The following DNAH11 variants were observed in gnomAD, a reference collection of about 807,000 sequenced individuals.
DNAH11 encodes dynein axonemal heavy chain 11, also known as axonemal beta dynein heavy chain 11.
In DNAH11, 442 loss-of-function variants were observed where a neutral mutation model predicts 526.0. The ratio of observed to expected loss-of-function variants is 0.84; its 90% confidence interval spans 0.78 to 0.91. The LOEUF (loss-of-function observed/expected upper bound fraction) is 0.91, where lower values mean the gene tolerates loss of function less well. Among genes scored for constraint, DNAH11 ranks in the 40% least tolerant of loss-of-function variants. DNAH11 has a pLI of 0.00. For missense variants in DNAH11, 6,989 were observed against 5,448.7 expected (o/e 1.28, Z -8.90); for synonymous variants, 2,461 against 1,935.9 (o/e 1.27, Z -7.12).
chr7:21,894,847 A>C, intron 78 of DNAH11, 37 bp from the exon 79 acceptor site: 1 of 1,612,510 alleles, frequency 6.2e-7, no homozygotes. Flanking sequence ...AGCACATTGG[A>C]AGATATTCAC....
chr7:21,743,515 A>T (rs1786009860), intron 49 of DNAH11, among the ~76,000 whole-genome samples: 1 of 152,190 alleles, frequency 6.6e-6, no homozygotes, highest in Admixed American at 6.5e-5. Context: ...GAGGTGGTAT[A>T]TTGATGAAAT....
chr7:21,699,477 C>T (rs986424068), intron 36 of DNAH11, among the ~76,000 whole-genome samples: 8 of 152,250 alleles, frequency 5.3e-5, no homozygotes, highest in Admixed American at 3.9e-4. Flanking sequence ...AAAATGAAAG[C>T]ATCAGAATAC....
At chr7:21,828,469 A>G (rs571496604) in intron 65 of DNAH11, among the ~76,000 whole-genome samples, 1 of 152,204 alleles carries the variant, frequency 6.6e-6, no homozygotes, top group South Asian at 2.1e-4. Context: ...TTCCCTTAAT[A>G]GTGTAATCTT....
At chr7:21,835,223 C>CAA (rs201863939) in intron 65 of DNAH11, among the ~76,000 whole-genome samples, 27 of 87,570 alleles carry the variant, frequency 3.1e-4, no homozygotes, top group South Asian at 1.5e-3. Context: ...CAGACTATTC[C>CAA]AAAAAAAAAA....
intron 22 of DNAH11, 89 bp from the exon 23 acceptor site, chr7:21,617,530 G>T (rs1459885413): frequency 2.8e-6 from 4 of 1,440,596 alleles, no homozygotes; most frequent in Non-Finnish European, 3.8e-6. Flanking sequence ...TAATCCAGGA[G>T]TTGGGAAATA....
rs1258427283 is a variant in DNAH11, at chr7:21,744,593, T to A, written c.8310T>A (p.Tyr2770Ter). The change falls in exon 50 of 82, where the codon TAT becomes TAA. Residue 2770 changes from tyrosine to a stop codon, truncating the protein, a stop_gained. Transcript: ENST00000409508. LOFTEE classifies it high-confidence loss of function. Reference sequence around the variant, plus strand: ...GAATGCTGGAAACTGCTTATAAATATTTTGAAGTAAGCGTATGAATGTCAG... The same window carrying A: ...GAATGCTGGAAACTGCTTATAAATAATTTGAAGTAAGCGTATGAATGTCAG... ...QRRMLETAYK[Y>*]FEGIDSHMLL... 1 of 1,612,908 alleles carries A rather than the reference T, an allele frequency of 6.2e-7. No individual in the cohort carries two copies. The highest frequency in any genetic ancestry group is 8.5e-7 in the Non-Finnish European group (1 of 1,179,684).
chr7:21,831,162 T>G (rs542025694), intron 65 of DNAH11, among the ~76,000 whole-genome samples: 145 of 152,286 alleles, frequency 9.5e-4, no homozygotes, highest in African/African-American at 3.0e-3. Flanking sequence ...ACTTCCAAAT[T>G]TTATGTTGCT....
intron 8 of DNAH11, among the ~76,000 whole-genome samples, chr7:21,577,586 A>G (rs193015441): frequency 6.6e-5 from 10 of 152,326 alleles, no homozygotes; most frequent in Admixed American, 3.9e-4. Context: ...TGGCAGCAGT[A>G]GAGACCACAT....
intron 40 of DNAH11, 128 bp from the exon 41 acceptor site, chr7:21,710,425 G>T (rs886876362): frequency 1.3e-5 from 9 of 684,926 alleles, no homozygotes; most frequent in Middle Eastern, 4.1e-4. Flanking sequence ...TGGCTGAAAA[G>T]GTGTTACACA....
At chr7:21,789,685 G>A (rs1171724535) in intron 61 of DNAH11, among the ~76,000 whole-genome samples, 1 of 151,992 alleles carries the variant, frequency 6.6e-6, no homozygotes, top group Non-Finnish European at 1.5e-5. Flanking sequence ...GTTGCATCCC[G>A]TACAAGGTAG....
chr7:21,829,876 C>T (rs1386804633), intron 65 of DNAH11, among the ~76,000 whole-genome samples: 1 of 152,178 alleles, frequency 6.6e-6, no homozygotes, highest in Non-Finnish European at 1.5e-5. Flanking sequence ...TCATTGGGAA[C>T]AGTGTTTGAA....
chr7:21,596,189 G>A (rs528055980), intron 14 of DNAH11, among the ~76,000 whole-genome samples: 1 of 152,214 alleles, frequency 6.6e-6, no homozygotes, highest in African/African-American at 2.4e-5. Flanking sequence ...TTTGAGTACT[G>A]CCTGGAATAG....
chr7:21,790,361 A>G (rs1221569509), intron 61 of DNAH11, among the ~76,000 whole-genome samples: 1 of 151,976 alleles, frequency 6.6e-6, no homozygotes, highest in Non-Finnish European at 1.5e-5. Flanking sequence ...GAGGCAGGAG[A>G]ATGGCGTGAA....
intron 36 of DNAH11, among the ~76,000 whole-genome samples, chr7:21,698,694 C>T (rs890981276): frequency 2.0e-5 from 3 of 152,160 alleles, no homozygotes; most frequent in Non-Finnish European, 4.4e-5. Context: ...ATATATACCA[C>T]AGTTTCTTTA....
At chr7:21,751,263 G>T (rs1406484181) in intron 54 of DNAH11, among the ~76,000 whole-genome samples, 1 of 152,196 alleles carries the variant, frequency 6.6e-6, no homozygotes, top group Non-Finnish European at 1.5e-5. Context: ...GGCAGAGGTT[G>T]CAGTGAGCCA....
intron 66 of DNAH11, among the ~76,000 whole-genome samples, chr7:21,850,354 C>CAAAAAAA (rs34141787): frequency 8.2e-6 from 1 of 122,332 alleles, no homozygotes; most frequent in Non-Finnish European, 1.7e-5. Flanking sequence ...GACTCTGTCT[C>CAAAAAAA]AAAAAAAAAA....
Position 21,649,893 on chromosome 7 carries a change from T to G in DNAH11, c.4945-5939T>G, listed in dbSNP as rs1197054563. Among the ~76,000 whole-genome samples, 5 of 152,122 alleles carry G rather than the reference T, an allele frequency of 3.3e-5. No homozygotes were observed. In the East Asian group the frequency reaches 5.8e-4, roughly 18 times the overall value. ...GTTGGCCAGGCTGGTCTCAAACTTC[T>G]GGCCTCAGGTGATCTGCCTGCATTG... On this transcript the variant is annotated intron_variant, in intron 28 of 81. Coordinates refer to ENST00000409508, the MANE Select transcript of DNAH11 (RefSeq NM_001277115.2).
Position 21,869,721 on chromosome 7 carries a change from A to T in DNAH11, c.11967+730A>T, listed in dbSNP as rs533173387. Among the ~76,000 whole-genome samples, 222 of 152,266 alleles carry T rather than the reference A, an allele frequency of 1.5e-3. 1 individual carries two copies. Among genetic ancestry groups the T allele is most frequent in the Middle Eastern group, 0.01 (3 of 294 alleles). ...TGGCTCCTGCATCAATCATTATCTC[A>T]TACAAGTCCAACTCTGCCCCTACCT... On this transcript the variant is annotated intron_variant, in intron 73 of 81. Coordinates refer to ENST00000409508, the MANE Select transcript of DNAH11 (RefSeq NM_001277115.2).
At chr7:21,570,374 G>C in intron 7 of DNAH11, 75 bp downstream of exon 7, 2 of 1,228,534 alleles carry the variant, frequency 1.6e-6, no homozygotes, top group Admixed American at 4.7e-5. Flanking sequence ...CATGATTCAT[G>C]GAACAGTTTA....
Sources: gnomAD v4.1 joint callset for allele counts (sites outside exome capture counted in the v4.1 genomes callset) on GRCh38, gnomAD v4.1.1 for gene constraint, MANE v1.5 for transcripts, NCBI Gene and HGNC (gene_info 2026-07-23, HGNC 2026-07-21) for gene names.